SMR3B: variants seen among roughly 807,000 people sequenced by gnomAD.
SMR3B encodes submaxillary gland androgen-regulated protein 3B.
For synonymous variants in SMR3B, 42 were observed against 36.1 expected (o/e 1.16, Z -0.59); for missense variants, 114 against 99.9 (o/e 1.14, Z -0.60).
chr4:70,386,819 T>G (rs1195306808), intron 2 of SMR3B, among the ~76,000 whole-genome samples: 1 of 152,204 alleles, frequency 6.6e-6, no homozygotes, highest in Non-Finnish European at 1.5e-5. Flanking sequence ...TTTCCCACAC[T>G]AAGGATTTGT....
In SMR3B at chr4:70,388,888, G is replaced by T. The variant is rs1421972389; in HGVS notation, c.55-775G>T. On this transcript the variant is annotated intron_variant, in intron 2 of 2. Transcript: ENST00000304915. ...CATAATAAGACATTTTTCTCATCCT[G>T]GAAGGGCATTTATTTCCACTTACAA... Among the ~76,000 whole-genome samples the T allele has an allele frequency of 2.6e-5, 4 of 152,140 alleles. No homozygotes were observed. The East Asian group carries it at 5.8e-4, about 22-fold the overall frequency.
At chr4:70,386,188 G>A (rs191269177) in intron 2 of SMR3B, among the ~76,000 whole-genome samples, 9 of 149,498 alleles carry the variant, frequency 6.0e-5, no homozygotes, top group South Asian at 2.1e-4. Context: ...CAGGAGAATC[G>A]CTTGAACCCG....
In SMR3B at chr4:70,389,886, A is replaced by T. The variant is rs1292002531; in HGVS notation, c.*38A>T. The T allele has an allele frequency of 6.2e-7, 1 of 1,610,990 alleles. No homozygotes were observed. On this transcript the variant is annotated 3_prime_UTR_variant, in exon 3 of 3. Transcript: ENST00000304915. The stretch of plus-strand genomic sequence containing the variant: ...CATCCTGATGCCCCAGGTTATCCAC[A>T]GCCTCCTTCCCGACCAAGACCCTAT...
chr4:70,387,898 T>C (rs1279444559), intron 2 of SMR3B, among the ~76,000 whole-genome samples: 3 of 152,310 alleles, frequency 2.0e-5, no homozygotes, highest in Admixed American at 2.0e-4. Context: ...TCTACCATTG[T>C]TAAGAACCTG....
intron 2 of SMR3B, among the ~76,000 whole-genome samples, chr4:70,385,623 C>T (rs1732649936): frequency 6.7e-6 from 1 of 149,950 alleles, no homozygotes; most frequent in Non-Finnish European, 1.5e-5. Flanking sequence ...CCAGGATGGT[C>T]TCGATCTCCT....
At chr4:70,389,617 A>G (rs772131758) in intron 2 of SMR3B, 46 bp from the exon 3 acceptor site, 7 of 1,574,856 alleles carry the variant, frequency 4.4e-6, no homozygotes, top group Admixed American at 1.7e-5. Flanking sequence ...CTTATATTTA[A>G]CTGTGAAATA....
In SMR3B at chr4:70,390,206, T is replaced by C. The variant is rs746187609; in HGVS notation, c.*358T>C. 49 of 548,054 alleles carry C rather than the reference T, an allele frequency of 8.9e-5. No homozygotes were observed. Among genetic ancestry groups the C allele is most frequent in the Non-Finnish European group, 1.4e-4 (42 of 305,802 alleles). The allele number at this position is 548,054 out of a possible 1,614,324, so 33.9% of individuals were successfully genotyped here. On this transcript the variant is annotated 3_prime_UTR_variant, in exon 3 of 3. Transcript: ENST00000304915. ...AGAAAAAACCCATGCAGACATAACA[T>C]TTATACCAATGAGGCAAAAATAAAG...
chr4:70,384,537 C>G lies in SMR3B; in HGVS notation c.27C>G (p.Gly9=). Residue 9 remains glycine (G), a synonymous_variant, in exon 2 of 3, where the codon GGC becomes GGG. Coordinates refer to ENST00000304915, the MANE Select transcript of SMR3B (RefSeq NM_006685.4). The part of the protein sequence containing the change: MKSLTWIL[G]LWALAACFTP... ...TGAAATCACTGACTTGGATCTTGGG[C>G]CTTTGGGCTCTTGCAGCGTGTTTCA... is the stretch of plus-strand genomic sequence containing the variant. The G allele has an allele frequency of 6.2e-7, 1 of 1,610,754 alleles. No homozygotes were observed. Among genetic ancestry groups the G allele is most frequent in the Non-Finnish European group, 8.5e-7 (1 of 1,178,122 alleles).
At position 70,383,731 on chromosome 4, in the gene SMR3B, A is replaced by G. The variant is rs975029874; in HGVS notation, c.-15+519A>G. ...ATTGCTCAGACCACACACTCAACCT[A>G]TGTGCAGAGTTGACTAACAGGAAGC... On this transcript the variant is annotated intron_variant, in intron 1 of 2. Transcript: ENST00000304915. Among the ~76,000 whole-genome samples, 162 of 152,266 alleles carry G rather than the reference A, an allele frequency of 1.1e-3. 1 individual carries two copies. Among genetic ancestry groups the G allele is most frequent in the Middle Eastern group, 6.8e-3 (2 of 294 alleles).
chr4:70,388,680 G>C (rs1291969613), intron 2 of SMR3B, among the ~76,000 whole-genome samples: 2 of 152,058 alleles, frequency 1.3e-5, no homozygotes, highest in East Asian at 3.9e-4. Context: ...TTTCCCTTTA[G>C]ATCATATTTA....
chr4:70,389,992 T>C lies in SMR3B; in HGVS notation c.*144T>C, dbSNP rs760727596. On this transcript the variant is annotated 3_prime_UTR_variant, in exon 3 of 3. Coordinates refer to ENST00000304915, the MANE Select transcript of SMR3B (RefSeq NM_006685.4). ...CTCCTGCACCCCAAATATGAACAAC[T>C]GCAGCAGGTGCCACCACCACCACAA... 2.0e-6 allele frequency: 3 copies of C among 1,497,478 alleles called. No individual in the cohort carries two copies. In the Admixed American group the frequency reaches 5.0e-5, roughly 25 times the overall value. 92.8% of individuals were successfully genotyped at this position (1,497,478 alleles called of 1,614,324 possible). A position where few individuals can be genotyped will look rare whatever the true frequency, so the allele number is the denominator to read the frequency against.
At chr4:70,385,570 A>AT (rs529017040) in intron 2 of SMR3B, among the ~76,000 whole-genome samples, 3 of 151,908 alleles carry the variant, frequency 2.0e-5, no homozygotes, top group East Asian at 1.9e-4. Flanking sequence ...CGGCCGGCTA[A>AT]TTTTTTTGTA....
At chr4:70,385,650 A>C (rs6600822) in intron 2 of SMR3B, among the ~76,000 whole-genome samples, 142,967 of 151,578 alleles carry the variant, frequency 0.94, 67,520 homozygotes, top group East Asian at 1. Flanking sequence ...GTGATCCGCC[A>C]GCCTCGGCCT....
Position 70,389,754 on chromosome 4 carries a change from C to T in SMR3B, c.146C>T (p.Pro49Leu). ...QPFGPGFVPP[P>L]PPPPYGPGRI... ...TTTGGCCCAGGATTTGTTCCACCAC[C>T]TCCTCCTCCACCCTATGGTCCAGGG... Residue 49 changes from proline to leucine, a missense_variant, in exon 3 of 3, where the codon CCT becomes CTT. Coordinates refer to ENST00000304915, the MANE Select transcript of SMR3B (RefSeq NM_006685.4). 1 of 1,614,056 alleles carries T rather than the reference C, an allele frequency of 6.2e-7. No individual in the cohort carries two copies. Among genetic ancestry groups the T allele is most frequent in the Non-Finnish European group, 8.5e-7 (1 of 1,179,996 alleles).
chr4:70,384,357 T>C (rs988154827), intron 1 of SMR3B, 140 bp from the exon 2 acceptor site: 1 of 1,416,692 alleles, frequency 7.1e-7, no homozygotes, highest in Non-Finnish European at 9.4e-7. Context: ...AATACTGAAT[T>C]CAAAATAACA....
intron 1 of SMR3B, among the ~76,000 whole-genome samples, chr4:70,383,735 G>T (rs1369892433): frequency 6.6e-6 from 1 of 152,128 alleles, no homozygotes; most frequent in Non-Finnish European, 1.5e-5. Context: ...CAACCTATGT[G>T]CAGAGTTGAC....
At chr4:70,383,572 G>A (rs1247238913) in intron 1 of SMR3B, among the ~76,000 whole-genome samples, 1 of 152,002 alleles carries the variant, frequency 6.6e-6, no homozygotes, top group Non-Finnish European at 1.5e-5. Context: ...TTTATTATTG[G>A]TTTTTCTTTT....
At position 70,389,931 on chromosome 4, in the gene SMR3B, T is replaced by A. The variant is rs201380101; in HGVS notation, c.*83T>A. On this transcript the variant is annotated 3_prime_UTR_variant, in exon 3 of 3. Transcript: ENST00000304915. ...CCCTATCCACCTGGACCTCCATTTT[T>A]CCCTGTAAATTCTCCAACTGATCCT... 1.9e-3 allele frequency: 3,089 copies of A among 1,602,956 alleles called. 5 individuals are homozygous for A. Among genetic ancestry groups the A allele is most frequent in the Non-Finnish European group, 2.5e-3 (2,962 of 1,170,144 alleles).
At chr4:70,386,784 T>A (rs1039111350) in intron 2 of SMR3B, among the ~76,000 whole-genome samples, 1 of 152,298 alleles carries the variant, frequency 6.6e-6, no homozygotes, top group Admixed American at 6.5e-5. Flanking sequence ...TTTAATTGTT[T>A]CAACAATAAA....
Sources: allele counts gnomAD v4.1 joint callset (sites outside exome capture counted in the v4.1 genomes callset), GRCh38; gene constraint gnomAD v4.1.1; transcripts MANE v1.5; gene names NCBI Gene and HGNC (gene_info 2026-07-23, HGNC 2026-07-21).